The following BTBD8 variants were observed in gnomAD, a reference collection of about 807,000 sequenced individuals.
The protein encoded by BTBD8 is BTB domain containing 8, also known as BTB/POZ domain-containing protein 8.
In BTBD8, 110 loss-of-function variants were observed where a neutral mutation model predicts 162.9. That is an observed-to-expected ratio of 0.68 (90% confidence interval 0.58 to 0.79). The LOEUF is 0.79. Ranked by LOEUF, BTBD8 falls within the 30% of genes least tolerant of loss-of-function variation. The pLI, the probability that BTBD8 is intolerant of heterozygous loss-of-function variation, is 0.00. For missense variants in BTBD8, 1,905 were observed against 2,085.4 expected (o/e 0.91, Z 1.68); for synonymous variants, 667 against 716.1 (o/e 0.93, Z 1.10).
intron 2 of BTBD8, among the ~76,000 whole-genome samples, chr1:92,090,868 G>T (rs371951395): frequency 2.1e-3 from 319 of 152,298 alleles, no homozygotes; most frequent in African/African-American, 7.3e-3. Context: ...GAAGGTGGAG[G>T]TTGCAGTGAG....
intron 9 of BTBD8, among the ~76,000 whole-genome samples, chr1:92,153,900 G>A (rs1650099292): frequency 6.6e-6 from 1 of 152,156 alleles, no homozygotes; most frequent in Non-Finnish European, 1.5e-5. Flanking sequence ...TCCTCTCCAA[G>A]TCTCATGTTG....
rs572347384 is a variant in BTBD8 at position 92,111,806 on chromosome 1, A to T, written c.662+3805A>T. Among the ~76,000 whole-genome samples, 3 of 152,310 alleles carry T rather than the reference A, an allele frequency of 2.0e-5. No homozygotes were observed. The South Asian group carries it at 6.2e-4, about 32-fold the overall frequency. On this transcript the variant is annotated intron_variant, in intron 4 of 17. Transcript: ENST00000636805. The stretch of plus-strand genomic sequence containing the variant: ...ATAGATATCTGTAAGACTGGCACAT[A>T]TGTTGCCTGTTCTAGCTTGTCTTAT...
chr1:92,104,242 T>C (rs1648669386), intron 3 of BTBD8, among the ~76,000 whole-genome samples: 1 of 152,240 alleles, frequency 6.6e-6, no homozygotes, highest in African/African-American at 2.4e-5. Flanking sequence ...AAGGATCTTA[T>C]TACTGGTGTG....
chr1:92,082,000 C>T (rs1648031370), intron 1 of BTBD8, among the ~76,000 whole-genome samples: 1 of 152,092 alleles, frequency 6.6e-6, no homozygotes, highest in African/African-American at 2.4e-5. Context: ...ACTGGGGAAG[C>T]TACTTTGTCT....
At chr1:92,132,876 G>A (rs946458185) in intron 5 of BTBD8, among the ~76,000 whole-genome samples, 3 of 152,120 alleles carry the variant, frequency 2.0e-5, no homozygotes, top group Admixed American at 6.6e-5. Flanking sequence ...ATAAAGCAAG[G>A]TTCTGTAACA....
chr1:92,145,268 A>C (rs1209594796), intron 7 of BTBD8, among the ~76,000 whole-genome samples: 3 of 152,160 alleles, frequency 2.0e-5, no homozygotes, highest in Non-Finnish European at 2.9e-5. Context: ...CCTGGCCTAC[A>C]TTCAATTTTT....
At chr1:92,179,876 AT>A (rs960203974) in intron 16 of BTBD8, among the ~76,000 whole-genome samples, 5 of 151,128 alleles carry the variant, frequency 3.3e-5, no homozygotes, top group Non-Finnish European at 7.4e-5. Flanking sequence ...AGAGCACACT[AT>A]TTTTTTTTCT....
At chr1:92,126,610 T>G in intron 4 of BTBD8, 1 of 373,806 alleles carries the variant, frequency 2.7e-6, no homozygotes, top group Non-Finnish European at 5.2e-6. Flanking sequence ...GCACTTATTG[T>G]ACGGTTTTTA....
chr1:92,174,074 A>G (rs1400128407), intron 13 of BTBD8, among the ~76,000 whole-genome samples: 1 of 152,188 alleles, frequency 6.6e-6, no homozygotes, highest in Non-Finnish European at 1.5e-5. Context: ...TCAAAATAAA[A>G]TGGGGGTGGG....
chr1:92,113,498 T>C (rs1211105163), intron 4 of BTBD8, among the ~76,000 whole-genome samples: 1 of 152,190 alleles, frequency 6.6e-6, no homozygotes, highest in Admixed American at 6.5e-5. Flanking sequence ...TAGACTGCAG[T>C]GGAGTTCCAA....
chr1:92,140,309 G>A, intron 6 of BTBD8, among the ~76,000 whole-genome samples: 1 of 151,902 alleles, frequency 6.6e-6, no homozygotes, highest in South Asian at 2.1e-4. Context: ...CAACAACTGT[G>A]ATTTTTAAAT....
In BTBD8 at chr1:92,176,821, T is replaced by C. The variant is rs181920301; in HGVS notation, c.1636-8T>C. The C allele has an allele frequency of 3.5e-4, 469 of 1,321,824 alleles. 3 individuals carry two copies. The African/African-American group carries it at 6.3e-3, about 18-fold the overall frequency. 81.9% of individuals were successfully genotyped at this position (1,321,824 alleles called of 1,614,324 possible). A position where few individuals can be genotyped will look rare whatever the true frequency, so the allele number is the denominator to read the frequency against. On this transcript the variant is annotated splice_region_variant and splice_polypyrimidine_tract_variant and intron_variant, in intron 13 of 17. Transcript: ENST00000636805. The stretch of plus-strand genomic sequence containing the variant: ...CAAATTACAAAGTATTTTTTTTCTT[T>C]TTTATAGCAAAGGAAACAAGTTTCT...
At chr1:92,127,907 G>C (rs1383180962) in intron 4 of BTBD8, among the ~76,000 whole-genome samples, 1 of 151,990 alleles carries the variant, frequency 6.6e-6, no homozygotes, top group Admixed American at 6.6e-5. Context: ...ATTTCAACTA[G>C]AATTTCTGGT....
intron 2 of BTBD8, 47 bp downstream of exon 2, chr1:92,088,942 T>A (rs754360340): frequency 7.1e-7 from 1 of 1,417,522 alleles, no homozygotes; most frequent in Non-Finnish European, 9.6e-7. Flanking sequence ...AATTGCTTAT[T>A]TTTAACATGT....
chr1:92,099,958 C>T (rs1418039382), intron 2 of BTBD8, among the ~76,000 whole-genome samples: 1 of 152,148 alleles, frequency 6.6e-6, no homozygotes, highest in African/African-American at 2.4e-5. Flanking sequence ...AGAAAGCTTT[C>T]AGTTACCATT....
At chr1:92,155,605 G>T (rs1020327936) in intron 9 of BTBD8, among the ~76,000 whole-genome samples, 5 of 151,970 alleles carry the variant, frequency 3.3e-5, no homozygotes, top group Admixed American at 1.3e-4. Context: ...GTGCCCAGCT[G>T]TGCCTTCTTT....
chr1:92,147,020 TAA>T (rs911211102), intron 7 of BTBD8, among the ~76,000 whole-genome samples, 158 bp from the exon 8 acceptor site: 3 of 152,222 alleles, frequency 2.0e-5, no homozygotes, highest in African/African-American at 7.2e-5. Context: ...TAATTCCAGA[TAA>T]AGAGTTAAAT....
intron 4 of BTBD8, among the ~76,000 whole-genome samples, chr1:92,124,527 G>A (rs187634937): frequency 6.6e-6 from 1 of 152,320 alleles, no homozygotes; most frequent in East Asian, 1.9e-4. Flanking sequence ...GCTGCAGTGG[G>A]CTATGATTGT....
chr1:92,183,980 G>A lies in BTBD8; in HGVS notation c.5029G>A (p.Glu1677Lys). ...AATAGAAGCATTTGAGCAGAAAGTG[G>A]AATCAGAAACACATGTTACAGATAT... ...DVIEAFEQKV[E>K]SETHVTDMDF... The change falls in exon 18 of 18, where the codon GAA (glutamate) becomes AAA (lysine). Residue 1677 changes from glutamate to lysine, a missense_variant. This residue lies in a region of BTBD8 where 517 missense variants were observed against 606.6 expected (regional missense o/e 0.85). Coordinates refer to ENST00000636805, the MANE Select transcript of BTBD8 (RefSeq NM_001376131.1). 1.9e-6 allele frequency: 3 copies of A among 1,551,472 alleles called. No individual in the cohort carries two copies. The highest frequency in any genetic ancestry group is 2.4e-5 in the South Asian group (2 of 84,050).
Sources: gnomAD v4.1 joint callset for allele counts (sites outside exome capture counted in the v4.1 genomes callset) on GRCh38, gnomAD v4.1.1 for gene constraint, gnomAD v4.1.1 regional missense constraint, MANE v1.5 for transcripts, NCBI Gene and HGNC (gene_info 2026-07-23, HGNC 2026-07-21) for gene names.